FSIP1: variants seen among roughly 807,000 people sequenced by gnomAD.
FSIP1 encodes fibrous sheath interacting protein 1.
A neutral mutation model predicts 60.9 loss-of-function variants in FSIP1; 65 were observed. The ratio of observed to expected loss-of-function variants is 1.07; its 90% CI spans 0.87 to 1.31. FSIP1 has a LOEUF of 1.31. Ranked by LOEUF, FSIP1 falls within the 40% of genes most tolerant of loss-of-function variation. The pLI, the probability that FSIP1 is intolerant of heterozygous loss-of-function variation, is 0.00. For missense variants in FSIP1, 675 were observed against 665.5 expected (o/e 1.01, Z -0.16); for synonymous variants, 209 against 221.2 (o/e 0.94, Z 0.49).
At chr15:39,621,534 G>A (rs1158362895) in intron 10 of FSIP1, among the ~76,000 whole-genome samples, 3 of 152,198 alleles carry the variant, frequency 2.0e-5, no homozygotes, top group Admixed American at 6.5e-5. Flanking sequence ...TCTGTAAAAT[G>A]AGGAACTTTA....
chr15:39,708,944 T>C (rs1418585108), intron 10 of FSIP1, among the ~76,000 whole-genome samples: 1 of 152,182 alleles, frequency 6.6e-6, no homozygotes, highest in Non-Finnish European at 1.5e-5. Context: ...CCATTGTGTC[T>C]ACTTCCCCTA....
chr15:39,766,625 T>C (rs1381336206), intron 3 of FSIP1, among the ~76,000 whole-genome samples: 1 of 152,214 alleles, frequency 6.6e-6, no homozygotes, highest in Non-Finnish European at 1.5e-5. Flanking sequence ...CCAAAGTTCT[T>C]AGCCTCTTAG....
At chr15:39,774,653 A>G (rs1350112326) in intron 2 of FSIP1, among the ~76,000 whole-genome samples, 1 of 152,224 alleles carries the variant, frequency 6.6e-6, no homozygotes, top group Non-Finnish European at 1.5e-5. Flanking sequence ...TATTTTGTAC[A>G]AAGTCACTTA....
intron 8 of FSIP1, among the ~76,000 whole-genome samples, chr15:39,735,818 T>A (rs1896586654): frequency 6.6e-6 from 1 of 152,190 alleles, no homozygotes; most frequent in South Asian, 2.1e-4. Context: ...AAAATTTTCT[T>A]TTTTTATTTT....
intron 9 of FSIP1, among the ~76,000 whole-genome samples, chr15:39,716,471 T>C (rs1025030063): frequency 2.0e-5 from 3 of 152,196 alleles, no homozygotes; most frequent in Admixed American, 2.0e-4. Flanking sequence ...AGAGGACTTG[T>C]ATCCAGAATA....
At chr15:39,765,854 G>A (rs1412230533) in intron 3 of FSIP1, 108 bp from the exon 4 acceptor site, 6 of 596,250 alleles carry the variant, frequency 1.0e-5, no homozygotes, top group Non-Finnish European at 1.7e-5. Flanking sequence ...ATAGCTGATA[G>A]TAATAACTAC....
chr15:39,740,021 T>C (rs1237515199), intron 6 of FSIP1, among the ~76,000 whole-genome samples: 3 of 152,240 alleles, frequency 2.0e-5, no homozygotes, highest in African/African-American at 7.2e-5. Context: ...TAATTCATTA[T>C]CATGTATCAA....
At chr15:39,782,083 T>C (rs1475382625) in intron 1 of FSIP1, among the ~76,000 whole-genome samples, 3 of 152,240 alleles carry the variant, frequency 2.0e-5, no homozygotes, top group African/African-American at 4.8e-5. Context: ...CAAATTTTGG[T>C]AGTTCGCCAA....
intron 8 of FSIP1, among the ~76,000 whole-genome samples, chr15:39,728,020 C>T (rs1029466694): frequency 3.9e-5 from 6 of 152,016 alleles, no homozygotes; most frequent in South Asian, 2.1e-4. Flanking sequence ...AAATCAAGAA[C>T]GCAATTCCAT....
intron 11 of FSIP1, among the ~76,000 whole-genome samples, chr15:39,615,639 G>A (rs2140376988): frequency 6.6e-6 from 1 of 151,510 alleles, no homozygotes; most frequent in East Asian, 1.9e-4. Flanking sequence ...TGTAATCCCA[G>A]TACTTTGGGA....
intron 5 of FSIP1, among the ~76,000 whole-genome samples, chr15:39,753,463 T>C (rs1322018253): frequency 6.6e-6 from 1 of 152,024 alleles, no homozygotes; most frequent in Admixed American, 6.6e-5. Flanking sequence ...TGCTTATAAA[T>C]ATAGATGCAA....
At chr15:39,692,924 G>A (rs565763709) in intron 10 of FSIP1, among the ~76,000 whole-genome samples, 1 of 152,244 alleles carries the variant, frequency 6.6e-6, no homozygotes, top group South Asian at 2.1e-4. Flanking sequence ...TGGCACTGCA[G>A]CCCTGGAAAC....
chr15:39,655,047 C>T (rs996406087), intron 10 of FSIP1, among the ~76,000 whole-genome samples: 1 of 152,184 alleles, frequency 6.6e-6, no homozygotes, highest in Non-Finnish European at 1.5e-5. Context: ...TTTCTCATCA[C>T]TTTCATCAAC....
intron 10 of FSIP1, among the ~76,000 whole-genome samples, chr15:39,636,285 C>G (rs571455886): frequency 6.6e-6 from 1 of 152,324 alleles, no homozygotes; most frequent in South Asian, 2.1e-4. Context: ...GTATTTTTCT[C>G]TATTTGACCT....
intron 10 of FSIP1, among the ~76,000 whole-genome samples, chr15:39,691,280 T>C (rs1034179383): frequency 1.3e-5 from 2 of 152,262 alleles, no homozygotes; most frequent in African/African-American, 4.8e-5. Flanking sequence ...GTGAAATGTC[T>C]GTCTTTAGTG....
At chr15:39,757,755 G>A (rs896642475) in intron 5 of FSIP1, among the ~76,000 whole-genome samples, 2 of 152,086 alleles carry the variant, frequency 1.3e-5, no homozygotes, top group African/African-American at 4.8e-5. Context: ...ATACAATAAT[G>A]TTACCTCTTC....
At chr15:39,757,051 TTGTA>T (rs1412754992) in intron 5 of FSIP1, among the ~76,000 whole-genome samples, 6 of 152,092 alleles carry the variant, frequency 3.9e-5, no homozygotes, top group Admixed American at 3.3e-4. Context: ...AAAGTACTTA[TTGTA>T]ACTAGATGCT....
At chr15:39,611,273 T>C (rs1008785658) in intron 11 of FSIP1, among the ~76,000 whole-genome samples, 1 of 152,248 alleles carries the variant, frequency 6.6e-6, no homozygotes, top group African/African-American at 2.4e-5. Flanking sequence ...TGATAAAAGT[T>C]ATCAGCTTAA....
intron 11 of FSIP1, among the ~76,000 whole-genome samples, chr15:39,609,225 G>A (rs1225672605): frequency 6.6e-6 from 1 of 152,204 alleles, no homozygotes; most frequent in East Asian, 1.9e-4. Flanking sequence ...CACTCCACCA[G>A]AGAAACTGGC....
Sources: allele counts gnomAD v4.1 joint callset (sites outside exome capture counted in the v4.1 genomes callset), GRCh38; gene constraint gnomAD v4.1.1; transcripts MANE v1.5; gene names NCBI Gene and HGNC (gene_info 2026-07-23, HGNC 2026-07-21).